The following SLC39A10 variants were observed in gnomAD, a reference collection of about 807,000 sequenced individuals.
SLC39A10 encodes zinc transporter ZIP10.
In SLC39A10, 13 loss-of-function variants were observed where a neutral mutation model predicts 65.1. The ratio of observed to expected loss-of-function variants is 0.20; its 90% CI spans 0.13 to 0.32. SLC39A10 has a LOEUF of 0.32. Among genes scored for constraint, SLC39A10 ranks in the 10% least tolerant of loss-of-function variants. The pLI, the probability that SLC39A10 is intolerant of heterozygous loss-of-function variation, is 1.00. For synonymous variants in SLC39A10, 321 were observed against 342.2 expected, an observed-to-expected ratio of 0.94 and a Z score of 0.68; for missense variants, 831 against 1,018.4, an observed-to-expected ratio of 0.82 and a Z score of 2.50.
chr2:195,679,815 A>T (rs146323890), intron 1 of SLC39A10, among the ~76,000 whole-genome samples: 2 of 152,354 alleles, frequency 1.3e-5, no homozygotes, highest in Admixed American at 6.5e-5. Flanking sequence ...GTACTAAACT[A>T]ACTTATTCTT....
intron 8 of SLC39A10, among the ~76,000 whole-genome samples, chr2:195,719,330 GTTAAT>G (rs1174265007): frequency 6.6e-6 from 1 of 152,044 alleles, no homozygotes; most frequent in Non-Finnish European, 1.5e-5. Flanking sequence ...ATTACGATGA[GTTAAT>G]TTAATCTGTT....
At chr2:195,704,997 C>T (rs973074043) in intron 3 of SLC39A10, among the ~76,000 whole-genome samples, 3 of 152,064 alleles carry the variant, frequency 2.0e-5, no homozygotes, top group Admixed American at 6.6e-5. Flanking sequence ...GGAGTTTCAC[C>T]GTGTTGCCCA....
chr2:195,728,198 A>G lies in SLC39A10; in HGVS notation c.2186A>G (p.Lys729Arg). 1 of 1,613,876 alleles carries G rather than the reference A, an allele frequency of 6.2e-7. No homozygotes were observed. Among genetic ancestry groups the G allele is most frequent in the Non-Finnish European group, 8.5e-7 (1 of 1,179,804 alleles). Residue 729 changes from lysine (K) to arginine (R), a missense_variant, in exon 9 of 10, where the codon AAG becomes AGG. Lys to Arg is a conservative substitution (Grantham distance 26). Around this residue, in one of 4 missense-constraint regions of SLC39A10, gnomAD observed 120 missense variants for 203.9 expected, o/e 0.59. Transcript: ENST00000359634. This position sits in a 1 kb window ranked among gnomAD's most constrained non-coding sequence, Gnocchi z 4.4. ...CTTCTTAAAGCAGGCATGACTGTAA[A>G]GCAAGCAATTGTATACAACCTCCTC... ...AVLLKAGMTV[K>R]QAIVYNLLSA...
chr2:195,733,760 C>T (rs1020253108), intron 9 of SLC39A10, among the ~76,000 whole-genome samples: 1 of 152,082 alleles, frequency 6.6e-6, no homozygotes, highest in Admixed American at 6.5e-5. Flanking sequence ...AAACTCCCGA[C>T]CTCAGTTGAT....
intron 2 of SLC39A10, among the ~76,000 whole-genome samples, chr2:195,632,052 C>A (rs1688595884): frequency 6.6e-6 from 1 of 151,512 alleles, no homozygotes; most frequent in African/African-American, 2.4e-5. Context: ...CCATGCCTGG[C>A]CAATTTCTTT....
intron 2 of SLC39A10, among the ~76,000 whole-genome samples, chr2:195,650,779 G>A (rs1473954441): frequency 1.3e-5 from 2 of 152,070 alleles, no homozygotes; most frequent in Non-Finnish European, 2.9e-5. Context: ...GATCTCAGGC[G>A]CATCAGACAA....
At chr2:195,634,876 T>C (rs1325547399) in intron 2 of SLC39A10, among the ~76,000 whole-genome samples, 1 of 152,046 alleles carries the variant, frequency 6.6e-6, no homozygotes, top group Non-Finnish European at 1.5e-5. Context: ...GGTGCAACCC[T>C]GTCTCTATTA....
rs1317709417 is a variant in SLC39A10 at position 195,713,873 on chromosome 2, A to T, written c.1696+320A>T. ...TACTTGTGCTATAAAGATAAGAATT[A>T]CACAAGAAAAAGTACTGTATTAATC... On this transcript the variant is annotated intron_variant, in intron 6 of 9. Transcript: ENST00000359634. 5.3e-5 allele frequency among the ~76,000 whole-genome samples: 8 copies of T among 152,314 alleles called. No homozygotes were observed. The East Asian group carries it at 1.5e-3, about 29-fold the overall frequency.
Position 195,680,116 on chromosome 2 carries a change from G to C in SLC39A10, c.74G>C (p.Cys25Ser). 1 of 1,613,042 alleles carries C rather than the reference G, an allele frequency of 6.2e-7. No individual in the cohort carries two copies. The highest frequency in any genetic ancestry group is 8.5e-7 in the Non-Finnish European group (1 of 1,179,820). The change falls in exon 2 of 10, where the codon TGC (cysteine) becomes TCC (serine). Residue 25 changes from cysteine to serine, a missense_variant. Cys to Ser is a moderately radical substitution (Grantham distance 112). Coordinates refer to ENST00000359634, the MANE Select transcript of SLC39A10 (RefSeq NM_020342.3). ...TTTATTTTTCATCATTGCAACCATT[G>C]CCATGAAGAACATGACCATGGCCCT... ...LTFIFHHCNH[C>S]HEEHDHGPEA...
At chr2:195,625,313 T>C (rs1358024260) in intron 2 of SLC39A10, among the ~76,000 whole-genome samples, 2 of 151,850 alleles carry the variant, frequency 1.3e-5, no homozygotes, top group Admixed American at 1.3e-4. Flanking sequence ...TTCGCTCTTG[T>C]TGCCCAGGCT....
At chr2:195,631,691 A>G (rs1373508612) in intron 2 of SLC39A10, among the ~76,000 whole-genome samples, 1 of 152,228 alleles carries the variant, frequency 6.6e-6, no homozygotes, top group East Asian at 1.9e-4. Context: ...TGATCATTAT[A>G]AAAGACAAAG....
At chr2:195,627,681 A>G (rs1688501938) in intron 2 of SLC39A10, among the ~76,000 whole-genome samples, 1 of 152,218 alleles carries the variant, frequency 6.6e-6, no homozygotes, top group African/African-American at 2.4e-5. Context: ...CTTGTATAAT[A>G]CAAAGTGAGA....
chr2:195,626,384 T>C (rs925927814), intron 2 of SLC39A10, among the ~76,000 whole-genome samples: 2 of 152,200 alleles, frequency 1.3e-5, no homozygotes, highest in African/African-American at 4.8e-5. Context: ...CAGATTCAGA[T>C]TGTCAGACCC....
At chr2:195,674,303 GT>G (rs1305605926) in intron 1 of SLC39A10, among the ~76,000 whole-genome samples, 1 of 152,018 alleles carries the variant, frequency 6.6e-6, no homozygotes, top group Non-Finnish European at 1.5e-5. Context: ...TTGAGACAGA[GT>G]TTTGTTCTCG....
intron 3 of SLC39A10, among the ~76,000 whole-genome samples, chr2:195,698,711 T>C (rs961425878): frequency 6.7e-6 from 1 of 149,884 alleles, no homozygotes; most frequent in East Asian, 1.9e-4. Flanking sequence ...TATTTGCTAG[T>C]TTTTTTTTTC....
At chr2:195,732,055 C>T (rs1692448723) in intron 9 of SLC39A10, among the ~76,000 whole-genome samples, 1 of 152,116 alleles carries the variant, frequency 6.6e-6, no homozygotes, top group Non-Finnish European at 1.5e-5. Context: ...TTTAATGACC[C>T]AGAAATTGGG....
At chr2:195,717,610 C>T (rs558029085) in intron 7 of SLC39A10, among the ~76,000 whole-genome samples, 1 of 151,660 alleles carries the variant, frequency 6.6e-6, no homozygotes, top group East Asian at 1.9e-4. Flanking sequence ...TAAATAGAGA[C>T]AGTCTAGATA....
At chr2:195,636,300 T>C (rs1010918729) in intron 2 of SLC39A10, among the ~76,000 whole-genome samples, 3 of 152,228 alleles carry the variant, frequency 2.0e-5, no homozygotes, top group African/African-American at 7.2e-5. Context: ...TTGAAAACTA[T>C]AGTTATTTTT....
chr2:195,734,252 C>G (rs993000037), intron 9 of SLC39A10, among the ~76,000 whole-genome samples: 2 of 150,650 alleles, frequency 1.3e-5, no homozygotes, highest in African/African-American at 4.9e-5. Context: ...CTCACTGCAA[C>G]CTTTGCCTCC....
Sources: gnomAD v4.1 joint callset for allele counts (sites outside exome capture counted in the v4.1 genomes callset) on GRCh38, gnomAD v4.1.1 for gene constraint, gnomAD v4.1.1 regional missense constraint, Gnocchi (gnomAD v3.1) non-coding constraint, MANE v1.5 for transcripts, NCBI Gene and HGNC (gene_info 2026-07-23, HGNC 2026-07-21) for gene names.